The following LCLAT1 variants were observed in gnomAD, a reference collection of about 807,000 sequenced individuals.
LCLAT1 encodes the protein 1-AGP acyltransferase 8.
A neutral mutation model predicts 30.7 loss-of-function variants in LCLAT1; 11 were observed. The ratio of observed to expected loss-of-function variants is 0.36; its 90% CI spans 0.23 to 0.59. The LOEUF (loss-of-function observed/expected upper bound fraction) is 0.59, where lower values mean the gene tolerates loss of function less well. Among genes scored for constraint, LCLAT1 ranks in the 20% least tolerant of loss-of-function variants. The probability of loss-of-function intolerance (pLI) is 0.77; values close to 1 mark genes in which losing one functional copy is unlikely to be tolerated. For missense variants in LCLAT1, 402 were observed against 458.6 expected, an observed-to-expected ratio of 0.88 and a Z score of 1.13; for synonymous variants, 155 against 151.3, an observed-to-expected ratio of 1.02 and a Z score of -0.18.
At chr2:30,577,701 G>A (rs1666054753) in intron 5 of LCLAT1, among the ~76,000 whole-genome samples, 1 of 152,068 alleles carries the variant, frequency 6.6e-6, no homozygotes, top group Non-Finnish European at 1.5e-5. Flanking sequence ...AATCTACAAT[G>A]TGTTGCATCT....
At chr2:30,466,491 T>C (rs1352137388) in intron 1 of LCLAT1, among the ~76,000 whole-genome samples, 1 of 152,204 alleles carries the variant, frequency 6.6e-6, no homozygotes, top group African/African-American at 2.4e-5. Flanking sequence ...ATTTGACTGC[T>C]TGATTTTAAA....
chr2:30,618,584 G>A lies in LCLAT1; in HGVS notation c.629-21533G>A, dbSNP rs1445171299. 3.3e-5 allele frequency among the ~76,000 whole-genome samples: 5 copies of A among 152,230 alleles called. No homozygotes were observed. The East Asian group carries it at 7.7e-4, about 23-fold the overall frequency. On this transcript the variant is annotated intron_variant, in intron 5 of 5. Transcript: ENST00000379509. ...TACTTGACAAGGGAGGGTGGGAGGAGGGAGAAGAGATAACTATTGGGTACT... is the reference window on the plus strand; with the variant it reads ...TACTTGACAAGGGAGGGTGGGAGGAAGGAGAAGAGATAACTATTGGGTACT...
chr2:30,625,723 A>T (rs1337073748), intron 5 of LCLAT1, among the ~76,000 whole-genome samples: 2 of 152,228 alleles, frequency 1.3e-5, no homozygotes, highest in Non-Finnish European at 2.9e-5. Flanking sequence ...ACAGTCTGCT[A>T]TAGTTTTGAT....
chr2:30,523,278 T>C (rs1361722349), intron 1 of LCLAT1, among the ~76,000 whole-genome samples: 1 of 151,728 alleles, frequency 6.6e-6, no homozygotes, highest in Admixed American at 6.6e-5. Context: ...TTTTTTTTTT[T>C]TTTCTGGGGA....
At chr2:30,494,496 G>A (rs1308010158) in intron 1 of LCLAT1, among the ~76,000 whole-genome samples, 1 of 152,016 alleles carries the variant, frequency 6.6e-6, no homozygotes, top group Non-Finnish European at 1.5e-5. Context: ...ATTATTAAAT[G>A]CTATGATATA....
chr2:30,552,675 C>T, intron 3 of LCLAT1: 1 of 277,650 alleles, frequency 3.6e-6, no homozygotes, highest in Non-Finnish European at 7.5e-6. Flanking sequence ...ATAGATCTTC[C>T]TTAACTTTAT....
chr2:30,449,469 A>C (rs1681434103), intron 1 of LCLAT1, among the ~76,000 whole-genome samples: 1 of 152,084 alleles, frequency 6.6e-6, no homozygotes, highest in Non-Finnish European at 1.5e-5. Context: ...ATTAATTAAA[A>C]AGTTATTTTG....
intron 1 of LCLAT1, among the ~76,000 whole-genome samples, chr2:30,479,559 G>A (rs780220636): frequency 5.3e-5 from 8 of 152,092 alleles, no homozygotes; most frequent in Admixed American, 6.6e-5. Flanking sequence ...GTATATGTTT[G>A]TTAATTCCAT....
chr2:30,514,114 T>G (rs1471589671), intron 1 of LCLAT1, among the ~76,000 whole-genome samples: 2 of 152,228 alleles, frequency 1.3e-5, no homozygotes, highest in Non-Finnish European at 2.9e-5. Context: ...ATAAACAGTG[T>G]CAGGGACTCG....
intron 1 of LCLAT1, among the ~76,000 whole-genome samples, chr2:30,494,338 G>A (rs983523052): frequency 2.6e-5 from 4 of 152,148 alleles, no homozygotes; most frequent in Non-Finnish European, 4.4e-5. Context: ...TGTGAACTTC[G>A]ACAGCTTTTT....
At chr2:30,448,770 A>G (rs1285585918) in intron 1 of LCLAT1, among the ~76,000 whole-genome samples, 1 of 152,170 alleles carries the variant, frequency 6.6e-6, no homozygotes, top group Non-Finnish European at 1.5e-5. Flanking sequence ...CCTGGGGTTG[A>G]GGTTATGGGT....
intron 1 of LCLAT1, among the ~76,000 whole-genome samples, chr2:30,494,404 G>T (rs1297253109): frequency 1.3e-5 from 2 of 152,142 alleles, no homozygotes; most frequent in African/African-American, 4.8e-5. Flanking sequence ...GGTCCCGATA[G>T]CTGGAAATCC....
At chr2:30,487,311 T>G (rs1228439989) in intron 1 of LCLAT1, among the ~76,000 whole-genome samples, 2 of 152,210 alleles carry the variant, frequency 1.3e-5, no homozygotes, top group African/African-American at 4.8e-5. Flanking sequence ...ACTTCATTTA[T>G]TTTAGTTTTC....
chr2:30,514,275 T>C (rs1285385355), intron 1 of LCLAT1, among the ~76,000 whole-genome samples: 1 of 152,224 alleles, frequency 6.6e-6, no homozygotes, highest in Non-Finnish European at 1.5e-5. Flanking sequence ...ACAAGGTCCT[T>C]TTGAACCTTC....
At chr2:30,628,620 G>A (rs1668622827) in intron 5 of LCLAT1, among the ~76,000 whole-genome samples, 2 of 152,122 alleles carry the variant, frequency 1.3e-5, no homozygotes, top group African/African-American at 4.8e-5. Flanking sequence ...ATCTATATAT[G>A]TGAGAATTTA....
At chr2:30,627,741 T>C (rs1391714381) in intron 5 of LCLAT1, among the ~76,000 whole-genome samples, 2 of 152,156 alleles carry the variant, frequency 1.3e-5, no homozygotes, top group Non-Finnish European at 2.9e-5. Flanking sequence ...CTTTGACTAA[T>C]ATTTTCTTTT....
At chr2:30,589,073 A>G (rs1264184548) in intron 5 of LCLAT1, among the ~76,000 whole-genome samples, 1 of 152,240 alleles carries the variant, frequency 6.6e-6, no homozygotes, top group African/African-American at 2.4e-5. Context: ...TAAATTCTGC[A>G]AATTGGTTAT....
At chr2:30,580,174 G>A (rs1227318570) in intron 5 of LCLAT1, among the ~76,000 whole-genome samples, 2 of 152,124 alleles carry the variant, frequency 1.3e-5, no homozygotes, top group African/African-American at 4.8e-5. Context: ...CTTTACTAAT[G>A]GTTTTGGGAC....
chr2:30,512,236 A>G (rs1225053504), intron 1 of LCLAT1, among the ~76,000 whole-genome samples: 3 of 152,148 alleles, frequency 2.0e-5, no homozygotes, highest in Non-Finnish European at 4.4e-5. Flanking sequence ...ATCAAAATTA[A>G]TAAATTTATG....
Sources: gnomAD v4.1 joint callset for allele counts (sites outside exome capture counted in the v4.1 genomes callset) on GRCh38, gnomAD v4.1.1 for gene constraint, MANE v1.5 for transcripts, NCBI Gene and HGNC (gene_info 2026-07-23, HGNC 2026-07-21) for gene names.